APTX: variants seen among roughly 807,000 people sequenced by gnomAD.
The protein encoded by APTX is forkhead-associated domain histidine triad-like protein.
Under a neutral mutation model 42.3 loss-of-function variants are expected in APTX, and 33 were observed. That is an observed-to-expected ratio of 0.78 (90% CI 0.59 to 1.04). The LOEUF (loss-of-function observed/expected upper bound fraction) is 1.04, where lower values mean the gene tolerates loss of function less well. Ranked by LOEUF, APTX falls within the 50% of genes least tolerant of loss-of-function variation. APTX has a pLI of 0.00. For synonymous variants in APTX, 130 were observed against 146.7 expected (o/e 0.89, Z 0.82); for missense variants, 421 against 415.1 (o/e 1.01, Z -0.12).
chr9:32,986,032 TAA>T lies in APTX; in HGVS notation c.484-4_484-3del, dbSNP rs373304582. On this transcript the variant is annotated splice_polypyrimidine_tract_variant and splice_region_variant and intron_variant, in intron 4 of 7. Transcript: ENST00000379817. ...TTGACTCCAGTGGCCCAGGGATTCC[TAA>T]AAAAAAAACAAAAAAAAAAACAAAA... The T allele has an allele frequency of 3.6e-5, 26 of 732,306 alleles. No homozygotes were observed. Among genetic ancestry groups the T allele is most frequent in the South Asian group, 1.3e-4 (7 of 51,898 alleles). The allele number at this position is 732,306 out of a possible 1,614,324, so 45.4% of individuals were successfully genotyped here.
chr9:33,001,555 C>T lies in APTX; in HGVS notation c.-5+12G>A. ...CCAGCCAGCAGAAGAGATAGGCTGACGACCGCCTTACCTCCAGAAGTCGGA... is the reference window on the plus strand; with the variant it reads ...CCAGCCAGCAGAAGAGATAGGCTGATGACCGCCTTACCTCCAGAAGTCGGA... On this transcript the variant is annotated intron_variant, in intron 1 of 7. Transcript: ENST00000379817. 1.2e-6 allele frequency: 2 copies of T among 1,613,786 alleles called. No homozygotes were observed. The highest frequency in any genetic ancestry group is 8.5e-7 in the Non-Finnish European group (1 of 1,180,024).
chr9:33,014,077 C>T (rs1051201376), intron 1 of APTX, among the ~76,000 whole-genome samples: 1 of 152,200 alleles, frequency 6.6e-6, no homozygotes, highest in Non-Finnish European at 1.5e-5. Context: ...AATGCTGATA[C>T]CACTGTGGCT....
intron 1 of APTX, among the ~76,000 whole-genome samples, chr9:33,011,136 C>T (rs181055340): frequency 1.3e-5 from 2 of 150,226 alleles, no homozygotes; most frequent in African/African-American, 4.9e-5. Context: ...GAGTGAGACT[C>T]CGTCTCAAAA....
intron 1 of APTX, among the ~76,000 whole-genome samples, chr9:33,010,339 C>T (rs17226825): frequency 0.068 from 10,280 of 152,262 alleles, 479 homozygotes; most frequent in Non-Finnish European, 0.1. Context: ...CATTGGCTGG[C>T]GCATTCATTC....
rs1280930228 is a variant in APTX at position 32,973,410 on chromosome 9, T to C, written c.*88A>G. On this transcript the variant is annotated 3_prime_UTR_variant, in exon 8 of 8. Transcript: ENST00000379817. ...AAGCTGCATGTTTTAATTTAGGAAA[T>C]GAGTAGAAGTTCACAAGCAACCCAG... The C allele has an allele frequency of 1.4e-6, 2 of 1,426,722 alleles. No homozygotes were observed. Among genetic ancestry groups the C allele is most frequent in the Non-Finnish European group, 2.0e-6 (2 of 1,012,926 alleles). The allele number at this position is 1,426,722 out of a possible 1,614,324, so 88.4% of individuals were successfully genotyped here.
chr9:33,001,668 A>G (rs765714676), upstream of APTX: 6 of 1,598,652 alleles, frequency 3.8e-6, no homozygotes, highest in South Asian at 5.6e-5. Flanking sequence ...GCGACCAGTG[A>G]CGTCACCAGC....
intron 5 of APTX, 33 bp from the exon 6 acceptor site, chr9:32,984,890 A>T (rs1831558137): frequency 6.4e-7 from 1 of 1,561,684 alleles, no homozygotes; most frequent in African/African-American, 1.4e-5. Context: ...GGAAACAGAC[A>T]TCTACTAAGA....
rs374053126 is a variant in APTX, at chr9:32,973,567, A to G, written c.960T>C (p.His320=). The change falls in exon 8 of 8, where the codon CAT becomes CAC. Residue 320 remains histidine (H), a synonymous_variant. Transcript: ENST00000379817. ...PELLKLPLRC[H]ECQQLLPSIP... ...TGGAAGGCAGCAGCTGCTGGCACTCATGACAACGAAGGGGCAGCTTCAAGA... is the reference window on the plus strand; with the variant it reads ...TGGAAGGCAGCAGCTGCTGGCACTCGTGACAACGAAGGGGCAGCTTCAAGA... 8 of 1,613,988 alleles carry G rather than the reference A, an allele frequency of 5.0e-6. No homozygotes were observed. The African/African-American group carries it at 8.0e-5, about 16-fold the overall frequency.
At chr9:32,978,947 C>T (rs1371086546) in intron 6 of APTX, among the ~76,000 whole-genome samples, 1 of 152,308 alleles carries the variant, frequency 6.6e-6, no homozygotes, top group East Asian at 1.9e-4. Context: ...CATCACACTA[C>T]TAAAAGCATA....
At chr9:32,988,169 A>T in intron 2 of APTX, 40 bp from the exon 3 acceptor site, 1 of 1,585,012 alleles carries the variant, frequency 6.3e-7, no homozygotes, top group Non-Finnish European at 8.7e-7. Context: ...AATGCAACAA[A>T]GAACCAGGCA....
At chr9:32,974,854 G>A (rs1172469726) in intron 6 of APTX, among the ~76,000 whole-genome samples, 1 of 151,714 alleles carries the variant, frequency 6.6e-6, no homozygotes, top group Admixed American at 6.6e-5. Context: ...CGCTAATGAG[G>A]AAAGACAAAT....
chr9:33,012,791 G>A (rs754093287), intron 1 of APTX, among the ~76,000 whole-genome samples: 12 of 152,158 alleles, frequency 7.9e-5, no homozygotes, highest in Non-Finnish European at 1.5e-4. Flanking sequence ...AATTTTGAGG[G>A]CAGCTTGCTA....
At chr9:32,988,277 G>A in intron 2 of APTX, 148 bp from the exon 3 acceptor site, 2 of 724,036 alleles carry the variant, frequency 2.8e-6, no homozygotes, top group Non-Finnish European at 4.9e-6. Context: ...ACCTGTTATT[G>A]CAGGTGGCTG....
At chr9:33,018,459 TCGG>T (rs1838083902) in intron 1 of APTX, among the ~76,000 whole-genome samples, 1 of 145,636 alleles carries the variant, frequency 6.9e-6, no homozygotes. Context: ...TCCCAGCTAC[TCGG>T]GAGGCTGAGG....
chr9:33,003,527 G>A (rs1836888854), upstream of APTX, among the ~76,000 whole-genome samples: 1 of 152,114 alleles, frequency 6.6e-6, no homozygotes, highest in Non-Finnish European at 1.5e-5. Context: ...AGCTACTTGG[G>A]AGGCTGAAGC....
At chr9:33,009,539 G>A (rs111240345) in intron 1 of APTX, among the ~76,000 whole-genome samples, 7 of 152,244 alleles carry the variant, frequency 4.6e-5, no homozygotes, top group African/African-American at 9.6e-5. Flanking sequence ...AGCATTTTAG[G>A]AGGCCGAGGC....
rs921540643 is a variant in APTX at position 32,974,687 on chromosome 9, G to A, written c.771-126C>T. ...ATACTCTTTGAATATTCATACTATT[G>A]AAGTGATAGTGTGTCCATTTAATTC... On this transcript the variant is annotated intron_variant, in intron 6 of 7. Coordinates refer to ENST00000379817, the MANE Select transcript of APTX (RefSeq NM_001195248.2). The A allele has an allele frequency of 9.0e-6, 6 of 666,428 alleles. No individual in the cohort carries two copies. The Admixed American group carries it at 1.1e-4, about 12-fold the overall frequency. The allele number at this position is 666,428 out of a possible 1,614,324, so 41.3% of individuals were successfully genotyped here.
chr9:33,019,351 TAAATA>T (rs1482123166), intron 1 of APTX, among the ~76,000 whole-genome samples: 1 of 152,030 alleles, frequency 6.6e-6, no homozygotes, highest in East Asian at 1.9e-4. Flanking sequence ...AATAAATAAA[TAAATA>T]AAAGTCTGGC....
chr9:32,974,688 AAGTGAT>A, intron 6 of APTX, 127 bp from the exon 7 acceptor site: 1 of 667,588 alleles, frequency 1.5e-6, no homozygotes, highest in Non-Finnish European at 2.7e-6. Context: ...CATACTATTG[AAGTGAT>A]AGTGTGTCCA....
Sources: allele counts gnomAD v4.1 joint callset (sites outside exome capture counted in the v4.1 genomes callset), GRCh38; gene constraint gnomAD v4.1.1; transcripts MANE v1.5; gene names NCBI Gene and HGNC (gene_info 2026-07-23, HGNC 2026-07-21).